FAM53B: variants seen among roughly 807,000 people sequenced by gnomAD.
FAM53B encodes the protein protein FAM53B.
In FAM53B, 12 loss-of-function variants were observed where a neutral mutation model predicts 32.7. The ratio of observed to expected loss-of-function variants is 0.37; its 90% confidence interval spans 0.24 to 0.59. FAM53B has a LOEUF of 0.59. Among genes scored for constraint, FAM53B ranks in the 20% least tolerant of loss-of-function variants. FAM53B has a pLI of 0.72. For missense variants in FAM53B, 477 were observed against 577.7 expected, an observed-to-expected ratio of 0.83 and a Z score of 1.79; for synonymous variants, 234 against 228.7, an observed-to-expected ratio of 1.02 and a Z score of -0.21.
At chr10:124,689,056 A>G (rs1949818044) in intron 3 of FAM53B, among the ~76,000 whole-genome samples, 1 of 152,200 alleles carries the variant, frequency 6.6e-6, no homozygotes, top group African/African-American at 2.4e-5. Context: ...CAGCTGACTC[A>G]TTCTTACATT....
chr10:124,731,485 C>T (rs1012459303), intron 1 of FAM53B, among the ~76,000 whole-genome samples: 1 of 152,198 alleles, frequency 6.6e-6, no homozygotes, highest in South Asian at 2.1e-4. Context: ...CCCTACCCAA[C>T]ATTCTGCCCA....
intron 4 of FAM53B, among the ~76,000 whole-genome samples, chr10:124,634,870 T>C (rs1308506906): frequency 1.3e-5 from 2 of 152,208 alleles, no homozygotes; most frequent in African/African-American, 4.8e-5. Flanking sequence ...GCTGTAGAAC[T>C]CTGTGAATAT....
At chr10:124,628,886 G>A (rs1226354083) in intron 4 of FAM53B, among the ~76,000 whole-genome samples, 1 of 152,226 alleles carries the variant, frequency 6.6e-6, no homozygotes, top group Non-Finnish European at 1.5e-5. Flanking sequence ...GACTTCAGCT[G>A]AGCCCACCTC....
chr10:124,641,000 C>A (rs537258848), intron 4 of FAM53B, among the ~76,000 whole-genome samples: 3 of 152,326 alleles, frequency 2.0e-5, no homozygotes, highest in South Asian at 2.1e-4. Flanking sequence ...CTGGAGCATA[C>A]CCCGCCTAGG....
intron 4 of FAM53B, among the ~76,000 whole-genome samples, chr10:124,642,361 T>C (rs565526974): frequency 6.6e-6 from 1 of 152,126 alleles, no homozygotes; most frequent in East Asian, 1.9e-4. Flanking sequence ...CACCAACGCC[T>C]CTCCGGTGGT....
intron 1 of FAM53B, among the ~76,000 whole-genome samples, chr10:124,732,613 C>T (rs1211808150): frequency 1.3e-5 from 2 of 152,238 alleles, no homozygotes; most frequent in Non-Finnish European, 2.9e-5. Context: ...AATCCCAGCA[C>T]TTTGGGAGGC....
At chr10:124,721,442 C>T (rs551542533) in intron 1 of FAM53B, among the ~76,000 whole-genome samples, 66 of 152,370 alleles carry the variant, frequency 4.3e-4, no homozygotes, top group Non-Finnish European at 7.1e-4. Flanking sequence ...CTGGCAGAGC[C>T]GCACTGCAGG....
At position 124,622,888 on chromosome 10, in the gene FAM53B, G is replaced by A. The variant is rs1010737007; in HGVS notation, c.*354C>T. 1 of 202,988 alleles carries A rather than the reference G, an allele frequency of 4.9e-6. No individual in the cohort carries two copies. The highest frequency in any genetic ancestry group is 9.9e-6 in the Non-Finnish European group (1 of 101,452). The allele number at this position is 202,988 out of a possible 1,614,324, so 12.6% of individuals were successfully genotyped here. On this transcript the variant is annotated 3_prime_UTR_variant, in exon 5 of 5. Coordinates refer to ENST00000337318, the MANE Select transcript of FAM53B (RefSeq NM_014661.4). ...CCCTGACAGCCCCCACCACCAGGGG[G>A]ATACAGAGCGGTGCCCAGCTCTGCC...
intron 1 of FAM53B, among the ~76,000 whole-genome samples, chr10:124,722,749 T>C (rs577674525): frequency 6.0e-4 from 92 of 152,338 alleles, no homozygotes; most frequent in Non-Finnish European, 8.8e-5. Flanking sequence ...GCATATGGAA[T>C]ATCTCTGGGA....
intron 4 of FAM53B, among the ~76,000 whole-genome samples, chr10:124,639,104 C>T (rs1411366810): frequency 6.6e-6 from 1 of 152,162 alleles, no homozygotes; most frequent in Non-Finnish European, 1.5e-5. Context: ...CAGCCTCTTG[C>T]CCATATAAGT....
chr10:124,663,968 T>C (rs946804394), intron 4 of FAM53B, among the ~76,000 whole-genome samples: 1 of 152,028 alleles, frequency 6.6e-6, no homozygotes, highest in Admixed American at 6.5e-5. Flanking sequence ...GTGTACCCCA[T>C]GAACACTGCA....
At chr10:124,631,514 C>T (rs1949390921) in intron 4 of FAM53B, among the ~76,000 whole-genome samples, 1 of 152,166 alleles carries the variant, frequency 6.6e-6, no homozygotes, top group African/African-American at 2.4e-5. Flanking sequence ...CAGAGGGTTA[C>T]TCATAACGGA....
At chr10:124,708,972 G>C (rs1199279861) in intron 1 of FAM53B, among the ~76,000 whole-genome samples, 1 of 151,914 alleles carries the variant, frequency 6.6e-6, no homozygotes. Flanking sequence ...CTGTACAACA[G>C]GGAAAACAGT....
intron 4 of FAM53B, among the ~76,000 whole-genome samples, chr10:124,647,322 G>C (rs1330785772): frequency 6.6e-6 from 1 of 152,174 alleles, no homozygotes. Flanking sequence ...TCTCTGAGGA[G>C]CGGCCCCAAG....
chr10:124,631,437 A>C (rs912003938), intron 4 of FAM53B, among the ~76,000 whole-genome samples: 3 of 152,158 alleles, frequency 2.0e-5, no homozygotes, highest in Non-Finnish European at 2.9e-5. Flanking sequence ...TGCCAGACCC[A>C]AGGAAGGCAA....
intron 2 of FAM53B, among the ~76,000 whole-genome samples, chr10:124,697,638 G>A (rs999953136): frequency 6.6e-6 from 1 of 152,160 alleles, no homozygotes; most frequent in African/African-American, 2.4e-5. Flanking sequence ...AGGGAGATCA[G>A]GGCTGGAGGG....
At chr10:124,712,863 C>T (rs1950013748) in intron 1 of FAM53B, among the ~76,000 whole-genome samples, 1 of 152,226 alleles carries the variant, frequency 6.6e-6, no homozygotes, top group Non-Finnish European at 1.5e-5. Flanking sequence ...TCAGACTTCC[C>T]ATTGATCCAT....
intron 4 of FAM53B, among the ~76,000 whole-genome samples, chr10:124,680,997 C>T (rs1209331178): frequency 6.6e-6 from 1 of 152,200 alleles, no homozygotes; most frequent in Non-Finnish European, 1.5e-5. Flanking sequence ...AGCTCCAAGA[C>T]AAAGAGGATA....
At chr10:124,637,686 G>A (rs1427528996) in intron 4 of FAM53B, among the ~76,000 whole-genome samples, 3 of 152,152 alleles carry the variant, frequency 2.0e-5, no homozygotes, top group Non-Finnish European at 2.9e-5. Flanking sequence ...AGGGCTAAAG[G>A]CCCGGTATCT....
Sources: gnomAD v4.1 joint callset for allele counts (sites outside exome capture counted in the v4.1 genomes callset) on GRCh38, gnomAD v4.1.1 for gene constraint, MANE v1.5 for transcripts, NCBI Gene and HGNC (gene_info 2026-07-23, HGNC 2026-07-21) for gene names.